TNRC6C: variants seen among roughly 807,000 people sequenced by gnomAD.
TNRC6C encodes trinucleotide repeat containing adaptor 6C.
A neutral mutation model predicts 153.7 loss-of-function variants in TNRC6C; 20 were observed. The ratio of observed to expected loss-of-function variants is 0.13; its 90% CI spans 0.09 to 0.19. The LOEUF (loss-of-function observed/expected upper bound fraction) is 0.19. Ranked by LOEUF, TNRC6C falls within the 10% of genes least tolerant of loss-of-function variation. The probability of loss-of-function intolerance (pLI) is 1.00; values close to 1 mark genes in which losing one functional copy is unlikely to be tolerated. For synonymous variants in TNRC6C, 811 were observed against 841.4 expected, an observed-to-expected ratio of 0.96 and a Z score of 0.63; for missense variants, 1,987 against 2,172.0, an observed-to-expected ratio of 0.91 and a Z score of 1.69.
At chr17:77,967,684 G>T (rs140555942) in intron 1 of TNRC6C, among the ~76,000 whole-genome samples, 2 of 152,162 alleles carry the variant, frequency 1.3e-5, no homozygotes, top group Admixed American at 1.3e-4. Flanking sequence ...AATGTGTGAC[G>T]CTTCTCATGC....
rs921755531 is a variant in TNRC6C, at chr17:77,960,609, C to G, written c.-38+1341C>G. Among the ~76,000 whole-genome samples the G allele has an allele frequency of 2.0e-5, 3 of 152,236 alleles. No individual in the cohort carries two copies. The South Asian group carries it at 6.2e-4, about 32-fold the overall frequency. ...GTGTTGGCAATGATATTCATAGATTCCGGATTTCCTTCAGTACTGTATGAA... is the reference window on the plus strand; with the variant it reads ...GTGTTGGCAATGATATTCATAGATTGCGGATTTCCTTCAGTACTGTATGAA... On this transcript the variant is annotated intron_variant, in intron 1 of 22. Transcript: ENST00000636222.
chr17:78,043,721 C>G (rs549645952), intron 2 of TNRC6C, among the ~76,000 whole-genome samples: 5 of 152,068 alleles, frequency 3.3e-5, no homozygotes, highest in Admixed American at 6.6e-5. Flanking sequence ...CCACTTCTCC[C>G]CACCCCTCAC....
intron 19 of TNRC6C, 46 bp downstream of exon 22, chr17:78,103,599 C>T (rs370602371): frequency 1.6e-4 from 258 of 1,611,104 alleles, no homozygotes; most frequent in Non-Finnish European, 1.9e-4. Context: ...AGCTCCCCAT[C>T]CCCCAGAGCA....
exon 15 of TNRC6C, chr17:78,092,933 G>C: frequency 6.2e-7 from 1 of 1,613,608 alleles, no homozygotes; most frequent in Non-Finnish European, 8.5e-7. Context: ...GTCCCCATAG[G>C]TGCTATCCCT....
At chr17:77,976,183 C>T (rs2070995145) in intron 1 of TNRC6C, among the ~76,000 whole-genome samples, 1 of 152,214 alleles carries the variant, frequency 6.6e-6, no homozygotes, top group South Asian at 2.1e-4. Flanking sequence ...CTGTTTCTCA[C>T]TATCACACAT....
chr17:78,048,459 A>G (rs1461162805), intron 2 of TNRC6C, among the ~76,000 whole-genome samples: 2 of 152,176 alleles, frequency 1.3e-5, no homozygotes, highest in Non-Finnish European at 2.9e-5. Context: ...GTTTTATTCA[A>G]AACTCTACGT....
chr17:78,021,758 T>C (rs1489402479), intron 1 of TNRC6C, among the ~76,000 whole-genome samples: 3 of 152,028 alleles, frequency 2.0e-5, no homozygotes, highest in Non-Finnish European at 2.9e-5. Context: ...TTAGTAGAGA[T>C]GGGGTTTCAC....
chr17:77,988,199 C>T (rs1240289685), intron 1 of TNRC6C, among the ~76,000 whole-genome samples: 1 of 152,028 alleles, frequency 6.6e-6, no homozygotes, highest in Non-Finnish European at 1.5e-5. Context: ...AAATATGAGA[C>T]CTTGTCTCTA....
chr17:78,080,076 A>G (rs1480015361), intron 10 of TNRC6C, among the ~76,000 whole-genome samples: 1 of 152,262 alleles, frequency 6.6e-6, no homozygotes, highest in African/African-American at 2.4e-5. Flanking sequence ...ATTCAGAATT[A>G]GATCATTTTT....
At chr17:78,057,567 C>T (rs895191979) in intron 3 of TNRC6C, among the ~76,000 whole-genome samples, 1 of 152,224 alleles carries the variant, frequency 6.6e-6, no homozygotes, top group African/African-American at 2.4e-5. Flanking sequence ...GGCCGTGCTG[C>T]CCACTGGCTT....
At chr17:78,048,002 A>G (rs999251341) in intron 2 of TNRC6C, among the ~76,000 whole-genome samples, 1 of 152,234 alleles carries the variant, frequency 6.6e-6, no homozygotes, top group Non-Finnish European at 1.5e-5. Context: ...GATGGCATAT[A>G]AAGTTATTCT....
chr17:78,041,541 A>G (rs1567930537), intron 2 of TNRC6C, among the ~76,000 whole-genome samples: 1 of 152,248 alleles, frequency 6.6e-6, no homozygotes, highest in African/African-American at 2.4e-5. Flanking sequence ...TGTGTTTCCA[A>G]TAAATCTTGT....
chr17:78,071,015 C>T (rs1598755993), intron 5 of TNRC6C, 70 bp from the exon 8 acceptor site: 2 of 1,418,988 alleles, frequency 1.4e-6, no homozygotes, highest in East Asian at 2.5e-5. Flanking sequence ...TTTAGGCTGT[C>T]TCCCATTTCT....
intron 1 of TNRC6C, among the ~76,000 whole-genome samples, chr17:78,010,401 C>T (rs1440844415): frequency 1.3e-5 from 2 of 152,104 alleles, no homozygotes; most frequent in African/African-American, 4.8e-5. Flanking sequence ...TGCTTAGGCT[C>T]ATTCTAAACA....
At chr17:78,051,516 A>T in intron 3 of TNRC6C, 68 bp downstream of exon 5, 1 of 1,344,908 alleles carries the variant, frequency 7.4e-7, no homozygotes, top group East Asian at 2.6e-5. Context: ...CTCATTATAT[A>T]TTCATGAATA....
chr17:78,051,082 A>T, exon 3 of TNRC6C: 2 of 1,603,320 alleles, frequency 1.2e-6, no homozygotes, highest in Non-Finnish European at 1.7e-6. Flanking sequence ...ACCCCAAGAC[A>T]ACAATGTGAG....
chr17:78,000,001 C>G (rs1362720092), upstream of TNRC6C, among the ~76,000 whole-genome samples: 1 of 152,178 alleles, frequency 6.6e-6, no homozygotes. Flanking sequence ...GTGTGGAAAT[C>G]AGAAGACCAT....
intron 3 of TNRC6C, among the ~76,000 whole-genome samples, chr17:78,052,403 T>C (rs902489007): frequency 1.3e-5 from 2 of 152,104 alleles, no homozygotes; most frequent in Non-Finnish European, 2.9e-5. Context: ...GGCTGTACTC[T>C]AGTAGCTGGG....
intron 6 of TNRC6C, among the ~76,000 whole-genome samples, chr17:78,072,266 G>C (rs932695769): frequency 1.3e-5 from 2 of 152,214 alleles, no homozygotes; most frequent in African/African-American, 4.8e-5. Flanking sequence ...TGGCACCCTA[G>C]CGGCTTCAGT....
Sources: gnomAD v4.1 joint callset for allele counts (sites outside exome capture counted in the v4.1 genomes callset) on GRCh38, gnomAD v4.1.1 for gene constraint, MANE v1.5 for transcripts, NCBI Gene and HGNC (gene_info 2026-07-23, HGNC 2026-07-21) for gene names.